Variants in CIT observed in about 807,000 individuals in gnomAD.
CIT encodes the protein citron rho-interacting serine/threonine kinase.
A neutral mutation model predicts 272.7 loss-of-function variants in CIT; 79 were observed. The ratio of observed to expected loss-of-function variants is 0.29; its 90% CI spans 0.24 to 0.35. CIT has a LOEUF of 0.35. Ranked by LOEUF, CIT falls within the 10% of genes least tolerant of loss-of-function variation. The probability of loss-of-function intolerance (pLI) is 1.00; values close to 1 mark genes in which losing one functional copy is unlikely to be tolerated. For missense variants in CIT, 1,909 were observed against 2,618.3 expected (o/e 0.73, Z 5.91); for synonymous variants, 948 against 995.6 (o/e 0.95, Z 0.90).
chr12:119,860,152 T>C (rs1239971563), intron 3 of CIT, among the ~76,000 whole-genome samples: 1 of 152,092 alleles, frequency 6.6e-6, no homozygotes, highest in African/African-American at 2.4e-5. Context: ...CCCTGTTCCT[T>C]TGTTGCACGG....
intron 23 of CIT, among the ~76,000 whole-genome samples, chr12:119,749,213 G>A (rs1959876107): frequency 6.6e-6 from 1 of 152,156 alleles, no homozygotes; most frequent in African/African-American, 2.4e-5. Flanking sequence ...CAGGCTAGGA[G>A]ATGACTGCCT....
intron 7 of CIT, among the ~76,000 whole-genome samples, chr12:119,832,020 A>G (rs1046994068): frequency 2.6e-4 from 39 of 152,240 alleles, no homozygotes; most frequent in Admixed American, 5.9e-4. Flanking sequence ...TAGAGAAAGT[A>G]TAAAAGATCA....
intron 18 of CIT, 95 bp from the exon 19 acceptor site, chr12:119,767,277 A>T: frequency 1.1e-6 from 1 of 923,828 alleles, no homozygotes; most frequent in Non-Finnish European, 1.6e-6. Context: ...TGGTACAGGT[A>T]CCACAGGTAA....
At chr12:119,775,530 G>C (rs192406663) in intron 16 of CIT, among the ~76,000 whole-genome samples, 1 of 152,186 alleles carries the variant, frequency 6.6e-6, no homozygotes, top group South Asian at 2.1e-4. Flanking sequence ...GGGTTCTGTC[G>C]TAGTATAATT....
chr12:119,772,709 T>C, intron 17 of CIT, 61 bp downstream of exon 17: 1 of 1,489,274 alleles, frequency 6.7e-7, no homozygotes, highest in Non-Finnish European at 8.9e-7. Flanking sequence ...GGCAGTTTCT[T>C]TCCTTGGGCA....
At chr12:119,857,323 G>A (rs921629029) in intron 4 of CIT, among the ~76,000 whole-genome samples, 200 bp downstream of exon 4, 1 of 152,222 alleles carries the variant, frequency 6.6e-6, no homozygotes, top group Admixed American at 6.5e-5. Context: ...AGAGGAATTT[G>A]TGAGCCTTCA....
intron 4 of CIT, 78 bp from the exon 5 acceptor site, chr12:119,850,353 C>T (rs926364821): frequency 1.0e-5 from 7 of 694,312 alleles, no homozygotes; most frequent in African/African-American, 8.4e-5. Flanking sequence ...TGTCTTTATG[C>T]CTAAACTGAT....
intron 32 of CIT, among the ~76,000 whole-genome samples, chr12:119,715,677 C>A (rs944488652): frequency 2.6e-5 from 4 of 152,066 alleles, no homozygotes; most frequent in African/African-American, 9.7e-5. Flanking sequence ...TTTTAATGAG[C>A]GAACTGTACG....
chr12:119,775,711 G>A, intron 16 of CIT, 75 bp downstream of exon 16: 1 of 1,145,864 alleles, frequency 8.7e-7, no homozygotes. Context: ...CATCTTTCGT[G>A]CTCTGGGACA....
intron 5 of CIT, 38 bp downstream of exon 5, chr12:119,850,136 G>T: frequency 1.6e-6 from 2 of 1,259,304 alleles, no homozygotes; most frequent in Non-Finnish European, 1.2e-6. Flanking sequence ...GTGTCAGAGT[G>T]CTAGGCTAAT....
chr12:119,692,822 C>T (rs115953701), intron 46 of CIT, among the ~76,000 whole-genome samples: 223 of 152,306 alleles, frequency 1.5e-3, no homozygotes, highest in African/African-American at 5.1e-3. Context: ...GCAACTGTAA[C>T]GTTTGGAGAT....
intron 13 of CIT, among the ~76,000 whole-genome samples, chr12:119,777,834 C>T (rs879309382): frequency 1.4e-4 from 21 of 152,052 alleles, no homozygotes; most frequent in Non-Finnish European, 2.1e-4. Flanking sequence ...CAAGGATAAA[C>T]TGCTTACATG....
chr12:119,858,828 A>C (rs931929790), intron 3 of CIT, among the ~76,000 whole-genome samples: 1 of 152,034 alleles, frequency 6.6e-6, no homozygotes, highest in Non-Finnish European at 1.5e-5. Flanking sequence ...TCTCAAAAAA[A>C]AAAAACAGCG....
At chr12:119,786,390 G>A (rs1964801398) in intron 10 of CIT, among the ~76,000 whole-genome samples, 1 of 152,232 alleles carries the variant, frequency 6.6e-6, no homozygotes, top group Admixed American at 6.5e-5. Context: ...ACTGTGCCCA[G>A]AAGCAGTTAA....
chr12:119,710,773 T>C lies in CIT; in HGVS notation c.4855-153A>G, dbSNP rs941374253. 2 of 758,120 alleles carry C rather than the reference T, an allele frequency of 2.6e-6. No individual in the cohort carries two copies. Among genetic ancestry groups the C allele is most frequent in the African/African-American group, 3.5e-5 (2 of 57,120 alleles). 47.0% of individuals were successfully genotyped at this position (758,120 alleles called of 1,614,324 possible). On this transcript the variant is annotated intron_variant, in intron 37 of 47. Transcript: ENST00000392521. This position sits in a 1 kb window ranked among gnomAD's most constrained non-coding sequence, Gnocchi z 5.6. ...ATATGCTCTTAGCTCAGCCCGTATTTTGATCTGAGCTCCAAATGCAAAATG... is the reference window on the plus strand; with the variant it reads ...ATATGCTCTTAGCTCAGCCCGTATTCTGATCTGAGCTCCAAATGCAAAATG...
intron 23 of CIT, among the ~76,000 whole-genome samples, chr12:119,744,509 T>C (rs1384509061): frequency 1.3e-5 from 2 of 150,266 alleles, no homozygotes; most frequent in African/African-American, 4.9e-5. Flanking sequence ...GATCATGAGG[T>C]GAGGAGATTA....
In CIT at chr12:119,690,191, G is replaced by A. The variant is rs1329663847; in HGVS notation, c.6146C>T (p.Pro2049Leu). 4 of 1,489,438 alleles carry A rather than the reference G, an allele frequency of 2.7e-6. No individual in the cohort carries two copies. The highest frequency in any genetic ancestry group is 3.5e-6 in the Non-Finnish European group (4 of 1,129,306). 92.3% of individuals were successfully genotyped at this position (1,489,438 alleles called of 1,614,324 possible). Residue 2049 changes from proline (P) to leucine (L), a missense_variant, in exon 47 of 48, where the codon CCT becomes CTT. Around this residue, in one of 8 missense-constraint regions of CIT, gnomAD observed 780 missense variants for 1,067.2 expected, o/e 0.73. Transcript: ENST00000392521. This position sits in a 1 kb window ranked among gnomAD's most constrained non-coding sequence, Gnocchi z 6.0. ...CAGCGGGGTCCTCACGGCTCCCGCAGGCAGCCGGCCCCTGCTGCTGTCTTC... is the reference window on the plus strand; with the variant it reads ...CAGCGGGGTCCTCACGGCTCCCGCAAGCAGCCGGCCCCTGCTGCTGTCTTC... ...LFEDSSRGRL[P>L]AGAVRTPLSQ...
At chr12:119,738,801 T>C (rs1958914545) in intron 24 of CIT, among the ~76,000 whole-genome samples, 1 of 151,394 alleles carries the variant, frequency 6.6e-6, no homozygotes, top group South Asian at 2.1e-4. Flanking sequence ...GAGAATCACT[T>C]GAACCTGGGA....
In CIT at chr12:119,712,951, C is replaced by G; in HGVS notation, c.4579+252G>C. 3 of 579,654 alleles carry G rather than the reference C, an allele frequency of 5.2e-6. No individual in the cohort carries two copies. Among genetic ancestry groups the G allele is most frequent in the Non-Finnish European group, 9.2e-6 (3 of 326,940 alleles). 35.9% of individuals were successfully genotyped at this position (579,654 alleles called of 1,614,324 possible). A position where few individuals can be genotyped will look rare whatever the true frequency, so the allele number is the denominator to read the frequency against. On this transcript the variant is annotated intron_variant, in intron 35 of 47. Coordinates refer to ENST00000392521, the MANE Select transcript of CIT (RefSeq NM_001206999.2). This position sits in a 1 kb window ranked among gnomAD's most constrained non-coding sequence, Gnocchi z 5.2. Reference sequence around the variant, plus strand: ...GGATTTATGGGTTAGTTGACTGAGGCAGAAGTTCTCGGAAGGTGTATTAGC... The same window carrying G: ...GGATTTATGGGTTAGTTGACTGAGGGAGAAGTTCTCGGAAGGTGTATTAGC...
Sources: gnomAD v4.1 joint callset for allele counts (sites outside exome capture counted in the v4.1 genomes callset) on GRCh38, gnomAD v4.1.1 for gene constraint, gnomAD v4.1.1 regional missense constraint, Gnocchi (gnomAD v3.1) non-coding constraint, MANE v1.5 for transcripts, NCBI Gene and HGNC (gene_info 2026-07-23, HGNC 2026-07-21) for gene names.